Variants in LPCAT1 observed in about 807,000 individuals in gnomAD.
LPCAT1 encodes 1-acylglycerol-3-phosphate O-acyltransferase.
LPCAT1 carries 23 observed loss-of-function variants against 60.9 expected under a neutral mutation model. The ratio of observed to expected loss-of-function variants is 0.38; its 90% CI spans 0.27 to 0.53. LPCAT1 has a LOEUF of 0.53. Among genes scored for constraint, LPCAT1 ranks in the 20% least tolerant of loss-of-function variants. The pLI is 0.82. For missense variants in LPCAT1, 622 were observed against 723.6 expected (o/e 0.86, Z 1.61); for synonymous variants, 340 against 301.1 (o/e 1.13, Z -1.34).
At chr5:1,499,763 C>T (rs191825030) in intron 2 of LPCAT1, among the ~76,000 whole-genome samples, 308 of 152,332 alleles carry the variant, frequency 2.0e-3, no homozygotes, top group Non-Finnish European at 3.6e-3. Flanking sequence ...CATGTCTGCA[C>T]GCAACGGTGC....
chr5:1,483,729 T>TAACA lies in LPCAT1; in HGVS notation c.668-247_668-244dup, dbSNP rs1345711941. Among the ~76,000 whole-genome samples the TAACA allele has an allele frequency of 6.6e-6, 1 of 151,888 alleles. No individual in the cohort carries two copies. Among genetic ancestry groups the TAACA allele is most frequent in the Non-Finnish European group, 1.5e-5 (1 of 68,018 alleles). ...CCCGGCCAAGGAACACTTTCTGTTT[T>TAACA]AACATCGCGCACGAGCTGGAAGGCG... is the stretch of plus-strand genomic sequence containing the variant. On this transcript the variant is annotated intron_variant, in intron 5 of 13. Coordinates refer to ENST00000283415, the MANE Select transcript of LPCAT1 (RefSeq NM_024830.5). This position sits in a 1 kb window ranked among gnomAD's most constrained non-coding sequence, Gnocchi z 9.2.
chr5:1,492,772 C>T (rs888561597), intron 3 of LPCAT1, among the ~76,000 whole-genome samples: 1 of 152,174 alleles, frequency 6.6e-6, no homozygotes, highest in Admixed American at 6.5e-5. Flanking sequence ...CCAAACACTC[C>T]TTCGTGTTGG....
In LPCAT1 at chr5:1,477,143, G is replaced by T. The variant is rs1361190633; in HGVS notation, c.899+261C>A. Among the ~76,000 whole-genome samples, 1 of 152,204 alleles carries T rather than the reference G, an allele frequency of 6.6e-6. No homozygotes were observed. The highest frequency in any genetic ancestry group is 6.5e-5 in the Admixed American group (1 of 15,280). On this transcript the variant is annotated intron_variant, in intron 9 of 13. Coordinates refer to ENST00000283415, the MANE Select transcript of LPCAT1 (RefSeq NM_024830.5). This position sits in a 1 kb window ranked among gnomAD's most constrained non-coding sequence, Gnocchi z 6.0. ...TTAGGGCACAGGAAACATAGGACCT[G>T]GGGTGACCAACGGCTGCAGGCAGGT...
intron 11 of LPCAT1, among the ~76,000 whole-genome samples, chr5:1,471,962 G>T (rs1274649033): frequency 2.0e-4 from 5 of 25,382 alleles, no homozygotes; most frequent in Non-Finnish European, 3.6e-4. Context: ...GAGCACCCAG[G>T]ACAGGGGGAG....
intron 11 of LPCAT1, among the ~76,000 whole-genome samples, chr5:1,472,986 A>C (rs1161676716): frequency 2.0e-5 from 3 of 151,878 alleles, no homozygotes; most frequent in Non-Finnish European, 4.4e-5. Context: ...GGTGCTCCTC[A>C]TCTTCTCTTG....
rs1230690410 is a variant in LPCAT1, at chr5:1,461,797, G to A, written c.*1854C>T. The A allele has an allele frequency of 6.6e-6, 1 of 152,634 alleles. No individual in the cohort carries two copies. The highest frequency in any genetic ancestry group is 1.5e-5 in the Non-Finnish European group (1 of 68,040). 9.5% of individuals were successfully genotyped at this position (152,634 alleles called of 1,614,324 possible). On this transcript the variant is annotated 3_prime_UTR_variant, in exon 14 of 14. Transcript: ENST00000283415. ...TTCATCTGCAGACCTGCGGAAGGGA[G>A]GTGGCCTGGGTCCCTTCCCTCGGAA... is the stretch of plus-strand genomic sequence containing the variant.
intron 5 of LPCAT1, among the ~76,000 whole-genome samples, chr5:1,488,069 C>G (rs1477472848): frequency 2.0e-5 from 3 of 152,208 alleles, no homozygotes; most frequent in East Asian, 3.9e-4. Flanking sequence ...AGAAGGGTAC[C>G]CTGAGCCATT....
rs544245779 is a variant in LPCAT1, at chr5:1,516,016, C to T, written c.135+7694G>A. Among the ~76,000 whole-genome samples, 25 of 152,340 alleles carry T rather than the reference C, an allele frequency of 1.6e-4. 1 individual carries two copies. In the South Asian group the frequency reaches 5.0e-3, roughly 30 times the overall value. On this transcript the variant is annotated intron_variant, in intron 1 of 13. Coordinates refer to ENST00000283415, the MANE Select transcript of LPCAT1 (RefSeq NM_024830.5). ...GGCTGTGGGCCCTGGCAAGTATGTC[C>T]ACTCCTCTGAGTGCAGGGAGGTACA...
intron 1 of LPCAT1, among the ~76,000 whole-genome samples, chr5:1,508,258 T>C (rs780756855): frequency 6.6e-6 from 1 of 152,176 alleles, no homozygotes; most frequent in Non-Finnish European, 1.5e-5. Context: ...GGGGGACAGG[T>C]CCCAGGCCCA....
At chr5:1,468,361 G>T (rs866992811) in intron 12 of LPCAT1, among the ~76,000 whole-genome samples, 2 of 152,184 alleles carry the variant, frequency 1.3e-5, no homozygotes, top group South Asian at 2.1e-4. Flanking sequence ...GCCTCAGAAC[G>T]GGCCGGGTCA....
chr5:1,521,362 G>C lies in LPCAT1; in HGVS notation c.135+2348C>G. ...AGGTACTCACTGGTTTATCTCAACT[G>C]GGAACTTAGCTGGGTTTCTGCGGGT... On this transcript the variant is annotated intron_variant, in intron 1 of 13. Transcript: ENST00000283415. This position sits in a 1 kb window ranked among gnomAD's most constrained non-coding sequence, Gnocchi z 4.3. The C allele has an allele frequency of 1.0e-6, 1 of 985,450 alleles. No individual in the cohort carries two copies. The highest frequency in any genetic ancestry group is 1.2e-6 in the Non-Finnish European group (1 of 829,936). The allele number at this position is 985,450 out of a possible 1,614,324, so 61.0% of individuals were successfully genotyped here. A position where few individuals can be genotyped will look rare whatever the true frequency, so the allele number is the denominator to read the frequency against.
intron 12 of LPCAT1, 91 bp from the exon 13 acceptor site, chr5:1,466,981 T>C (rs1250953107): frequency 1.5e-6 from 2 of 1,307,270 alleles, no homozygotes; most frequent in Admixed American, 3.1e-5. Context: ...CTGCCCCGCT[T>C]TGTCAGAGCT....
At position 1,473,939 on chromosome 5, in the gene LPCAT1, G is replaced by A. The variant is rs189815534; in HGVS notation, c.1179+18C>T. 940 of 1,607,226 alleles carry A rather than the reference G, an allele frequency of 5.8e-4. 2 individuals are homozygous for A. In the African/African-American group the frequency reaches 0.011, roughly 18 times the overall value. On this transcript the variant is annotated intron_variant, in intron 11 of 13. Coordinates refer to ENST00000283415, the MANE Select transcript of LPCAT1 (RefSeq NM_024830.5). ...GGAGGTTTTGCCGACACCCCGCTCCGCAGGCGACAGGCCCTACCTCGTCGA... is the reference window on the plus strand; with the variant it reads ...GGAGGTTTTGCCGACACCCCGCTCCACAGGCGACAGGCCCTACCTCGTCGA...
Position 1,522,312 on chromosome 5 carries a change from G to A in LPCAT1, c.135+1398C>T, listed in dbSNP as rs776278412. ...GAGGAATGGTTGAGGGGCACAGAAT[G>A]AGCGACCGTGTCCCAAGTCCTCCTT... On this transcript the variant is annotated intron_variant, in intron 1 of 13. Transcript: ENST00000283415. This position sits in a 1 kb window ranked among gnomAD's most constrained non-coding sequence, Gnocchi z 6.8. Among the ~76,000 whole-genome samples, 2 of 152,166 alleles carry A rather than the reference G, an allele frequency of 1.3e-5. No individual in the cohort carries two copies. The highest frequency in any genetic ancestry group is 2.9e-5 in the Non-Finnish European group (2 of 68,018).
At chr5:1,471,149 T>C (rs1734652994) in intron 11 of LPCAT1, among the ~76,000 whole-genome samples, 2 of 152,144 alleles carry the variant, frequency 1.3e-5, no homozygotes, top group Non-Finnish European at 2.9e-5. Flanking sequence ...CTTCCCAAAG[T>C]TCACAAGGCT....
chr5:1,483,295 G>T lies in LPCAT1; in HGVS notation c.726+133C>A. 2 of 1,024,084 alleles carry T rather than the reference G, an allele frequency of 2.0e-6. No homozygotes were observed. The highest frequency in any genetic ancestry group is 1.6e-5 in the African/African-American group (1 of 63,840). The allele number at this position is 1,024,084 out of a possible 1,614,324, so 63.4% of individuals were successfully genotyped here. A position where few individuals can be genotyped will look rare whatever the true frequency, so the allele number is the denominator to read the frequency against. ...CCAGCGCTGAGGCCGGATGGACTCA[G>T]CATGGCCAAGTGTGGGCTGTGGCGC... On this transcript the variant is annotated intron_variant, in intron 6 of 13. Coordinates refer to ENST00000283415, the MANE Select transcript of LPCAT1 (RefSeq NM_024830.5). This position sits in a 1 kb window ranked among gnomAD's most constrained non-coding sequence, Gnocchi z 9.2.
In LPCAT1 at chr5:1,522,360, C is replaced by A. The variant is rs1362423816; in HGVS notation, c.135+1350G>T. Among the ~76,000 whole-genome samples, 4 of 152,192 alleles carry A rather than the reference C, an allele frequency of 2.6e-5. No individual in the cohort carries two copies. Among genetic ancestry groups the A allele is most frequent in the African/African-American group, 9.7e-5 (4 of 41,446 alleles). ...CTTTGAGGGGCACAGCACACGGCAG[C>A]TGACAGCGTGTGGCAGACAGAGGGC... On this transcript the variant is annotated intron_variant, in intron 1 of 13. Transcript: ENST00000283415. The surrounding 1 kb of genome is among the most constrained non-coding windows in gnomAD (Gnocchi z 6.8).
In LPCAT1 at chr5:1,462,134, C is replaced by T. The variant is rs918422823; in HGVS notation, c.*1517G>A. 4 of 152,620 alleles carry T rather than the reference C, an allele frequency of 2.6e-5. No homozygotes were observed. The highest frequency in any genetic ancestry group is 9.6e-5 in the African/African-American group (4 of 41,548). 9.5% of individuals were successfully genotyped at this position (152,620 alleles called of 1,614,324 possible). A position where few individuals can be genotyped will look rare whatever the true frequency, so the allele number is the denominator to read the frequency against. ...ACGAATCTCTGAGGAAGTTAGTAAACATTTTTTCCCGTACTTACTGGCCTT... is the reference window on the plus strand; with the variant it reads ...ACGAATCTCTGAGGAAGTTAGTAAATATTTTTTCCCGTACTTACTGGCCTT... On this transcript the variant is annotated 3_prime_UTR_variant, in exon 14 of 14. Coordinates refer to ENST00000283415, the MANE Select transcript of LPCAT1 (RefSeq NM_024830.5).
chr5:1,505,499 C>G (rs142801402), intron 1 of LPCAT1, among the ~76,000 whole-genome samples: 1 of 152,260 alleles, frequency 6.6e-6, no homozygotes, highest in Non-Finnish European at 1.5e-5. Context: ...GGAGCAGCGC[C>G]CCATCCCCAA....
Sources: gnomAD v4.1 joint callset for allele counts (sites outside exome capture counted in the v4.1 genomes callset) on GRCh38, gnomAD v4.1.1 for gene constraint, Gnocchi (gnomAD v3.1) non-coding constraint, MANE v1.5 for transcripts, NCBI Gene and HGNC (gene_info 2026-07-23, HGNC 2026-07-21) for gene names.